Variants in ANKRD36 observed in about 807,000 individuals in gnomAD.
ANKRD36 encodes ankyrin repeat domain 36, also known as ankyrin repeat domain-containing protein 36A.
In ANKRD36, 179 loss-of-function variants were observed where a neutral mutation model predicts 278.1. The observed-to-expected ratio is 0.64, with a 90% CI of 0.57 to 0.73. The LOEUF (loss-of-function observed/expected upper bound fraction) is 0.73, where lower values mean the gene tolerates loss of function less well. Among genes scored for constraint, ANKRD36 ranks in the 30% least tolerant of loss-of-function variants. The pLI, the probability that ANKRD36 is intolerant of heterozygous loss-of-function variation, is 0.00. For synonymous variants in ANKRD36, 320 were observed against 641.1 expected (o/e 0.50, Z 7.57); for missense variants, 1,159 against 1,956.7 (o/e 0.59, Z 7.69).
chr2:97,208,901 G>A (rs188278858), intron 54 of ANKRD36, among the ~76,000 whole-genome samples: 1 of 146,730 alleles, frequency 6.8e-6, no homozygotes, highest in Non-Finnish European at 1.5e-5. Flanking sequence ...GAATATTGCA[G>A]TGATTTCTGA....
chr2:97,178,378 C>T (rs182132142), intron 22 of ANKRD36, among the ~76,000 whole-genome samples: 156 of 152,000 alleles, frequency 1.0e-3, no homozygotes, highest in South Asian at 3.8e-3. Flanking sequence ...CACATGCACA[C>T]GCATGCTTAT....
intron 14 of ANKRD36, among the ~76,000 whole-genome samples, chr2:97,154,283 T>G (rs1251226281): frequency 6.7e-6 from 1 of 148,552 alleles, no homozygotes; most frequent in African/African-American, 2.4e-5. Context: ...GGTTATCAGG[T>G]TTACTGCAGT....
chr2:97,173,666 G>A (rs1323617104), intron 22 of ANKRD36, among the ~76,000 whole-genome samples: 2 of 151,906 alleles, frequency 1.3e-5, no homozygotes, highest in African/African-American at 4.8e-5. Context: ...AAAAAAGAGT[G>A]TATGTCAAAT....
At chr2:97,197,601 C>T (rs1476639576) in intron 42 of ANKRD36, among the ~76,000 whole-genome samples, 2 of 151,888 alleles carry the variant, frequency 1.3e-5, no homozygotes, top group Non-Finnish European at 2.9e-5. Flanking sequence ...TGACATGATA[C>T]TCCCAACAAG....
intron 50 of ANKRD36, among the ~76,000 whole-genome samples, chr2:97,205,532 T>G (rs1440268162): frequency 6.6e-6 from 1 of 151,562 alleles, no homozygotes; most frequent in Non-Finnish European, 1.5e-5. Flanking sequence ...ATGTTTGTAG[T>G]ATAATTGTGT....
Position 97,179,662 on chromosome 2 carries a change from G to A in ANKRD36, c.1634-76G>A, listed in dbSNP as rs1180039243. ...GGAGTACAAAACTTGATGCTAACAT[G>A]CTATCCATGCATTTATGTATGGATA... On this transcript the variant is annotated intron_variant, in intron 22 of 75. Coordinates refer to ENST00000420699, the MANE Select transcript of ANKRD36 (RefSeq NM_001354587.1). The A allele has an allele frequency of 1.4e-5, 22 of 1,578,618 alleles. No individual in the cohort carries two copies. In the East Asian group the frequency reaches 5.0e-4, roughly 36 times the overall value.
intron 11 of ANKRD36, 50 bp downstream of exon 11, chr2:97,146,566 G>C (rs1435548511): frequency 7.0e-7 from 1 of 1,426,158 alleles, no homozygotes; most frequent in Non-Finnish European, 9.4e-7. Context: ...AGTTAATAGA[G>C]AGAATAGAAA....
chr2:97,198,756 T>C (rs2060498528), intron 44 of ANKRD36, 98 bp downstream of exon 44: 1 of 1,270,968 alleles, frequency 7.9e-7, no homozygotes, highest in Non-Finnish European at 1.1e-6. Context: ...AAGCTGCACA[T>C]TCTGATTCAG....
chr2:97,122,543 A>C (rs1241418917), intron 3 of ANKRD36, among the ~76,000 whole-genome samples: 5 of 148,840 alleles, frequency 3.4e-5, no homozygotes, highest in Non-Finnish European at 7.4e-5. Context: ...AGAAAAAAAT[A>C]CAGCTGCTGC....
chr2:97,182,020 G>A (rs926316281), intron 26 of ANKRD36, among the ~76,000 whole-genome samples: 1 of 151,324 alleles, frequency 6.6e-6, no homozygotes, highest in African/African-American at 2.4e-5. Flanking sequence ...ACGTTGGAGA[G>A]CCATTAAAGA....
chr2:97,200,313 T>C, intron 44 of ANKRD36, 21 bp from the exon 45 acceptor site: 9 of 1,607,400 alleles, frequency 5.6e-6, no homozygotes, highest in Non-Finnish European at 7.6e-6. Context: ...TGAGTGATTA[T>C]GTATCCCTTT....
chr2:97,176,392 C>G (rs1163268349), intron 22 of ANKRD36, among the ~76,000 whole-genome samples: 1 of 147,460 alleles, frequency 6.8e-6, no homozygotes, highest in Admixed American at 6.9e-5. Flanking sequence ...CCTTCTTTGT[C>G]TCTTTTGATC....
At chr2:97,153,277 A>T (rs1477811537) in intron 14 of ANKRD36, among the ~76,000 whole-genome samples, 10 of 151,060 alleles carry the variant, frequency 6.6e-5, no homozygotes, top group African/African-American at 2.5e-4. Context: ...TATTTTCTGG[A>T]TTCTTTTTTT....
At chr2:97,172,857 G>GTGTGTGTGTGTGTGTGTT (rs1233952119) in intron 22 of ANKRD36, among the ~76,000 whole-genome samples, 10 of 148,796 alleles carry the variant, frequency 6.7e-5, no homozygotes, top group Non-Finnish European at 1.0e-4. Context: ...GTGTGTGTGT[G>GTGTGTGTGTGTGTGTGTT]TATGTGTGTG....
At chr2:97,159,789 A>G (rs1254964514) in intron 17 of ANKRD36, among the ~76,000 whole-genome samples, 3 of 133,082 alleles carry the variant, frequency 2.3e-5, no homozygotes, top group Non-Finnish European at 4.9e-5. Context: ...TTTCTGGTTA[A>G]TTTTTTTTTT....
intron 22 of ANKRD36, among the ~76,000 whole-genome samples, chr2:97,171,713 AG>A (rs1007248317): frequency 1.3e-5 from 2 of 151,266 alleles, no homozygotes; most frequent in African/African-American, 4.8e-5. Flanking sequence ...AAAAAAAAAA[AG>A]TGTTCTGTAA....
Position 97,233,967 on chromosome 2 carries a change from C to T in ANKRD36, c.4093+96C>T. 5.1e-6 allele frequency: 3 copies of T among 584,524 alleles called. No homozygotes were observed. The Admixed American group carries it at 1.2e-4, about 24-fold the overall frequency. 36.2% of individuals were successfully genotyped at this position (584,524 alleles called of 1,614,324 possible). A position where few individuals can be genotyped will look rare whatever the true frequency, so the allele number is the denominator to read the frequency against. On this transcript the variant is annotated intron_variant, in intron 68 of 75. Coordinates refer to ENST00000420699, the MANE Select transcript of ANKRD36 (RefSeq NM_001354587.1). ...TGTACCATAGAGTACTGATATGTTACAAGAATGTTCATCTCAGAAATATGC... is the reference window on the plus strand; with the variant it reads ...TGTACCATAGAGTACTGATATGTTATAAGAATGTTCATCTCAGAAATATGC...
intron 62 of ANKRD36, 132 bp downstream of exon 62, chr2:97,215,629 A>G (rs1474720731): frequency 1.0e-5 from 16 of 1,550,874 alleles, no homozygotes; most frequent in South Asian, 4.8e-5. Context: ...TTCATTTGTA[A>G]TAAGTCCTCA....
At chr2:97,163,504 C>A (rs201764248) in intron 18 of ANKRD36, 5 of 250,574 alleles carry the variant, frequency 2.0e-5, no homozygotes, top group South Asian at 1.7e-4. Flanking sequence ...TTTTTAGAAA[C>A]GATTTTTCTC....
Sources: gnomAD v4.1 joint callset for allele counts (sites outside exome capture counted in the v4.1 genomes callset) on GRCh38, gnomAD v4.1.1 for gene constraint, MANE v1.5 for transcripts, NCBI Gene and HGNC (gene_info 2026-07-23, HGNC 2026-07-21) for gene names.